GRM7: variants seen among roughly 807,000 people sequenced by gnomAD.
GRM7 encodes the protein metabotropic glutamate receptor 7.
Under a neutral mutation model 84.5 loss-of-function variants are expected in GRM7, and 35 were observed. That is an observed-to-expected ratio of 0.41 (90% CI 0.32 to 0.55). The LOEUF is 0.55. Among genes scored for constraint, GRM7 ranks in the 20% least tolerant of loss-of-function variants. The probability of loss-of-function intolerance (pLI) is 0.19; values close to 1 mark genes in which losing one functional copy is unlikely to be tolerated. For synonymous variants in GRM7, 487 were observed against 455.1 expected (o/e 1.07, Z -0.89); for missense variants, 1,003 against 1,194.6 (o/e 0.84, Z 2.36).
intron 5 of GRM7, among the ~76,000 whole-genome samples, chr3:7,431,887 A>T (rs1460954620): frequency 2.0e-5 from 3 of 152,124 alleles, no homozygotes; most frequent in African/African-American, 7.2e-5. Flanking sequence ...ATGCATTCAA[A>T]TGCTAACTAT....
intron 1 of GRM7, among the ~76,000 whole-genome samples, chr3:6,968,868 G>A (rs1000566400): frequency 1.3e-5 from 2 of 152,092 alleles, no homozygotes; most frequent in African/African-American, 2.4e-5. Flanking sequence ...CATGTGTACC[G>A]CTCTGTAGAA....
chr3:7,323,021 C>G (rs1364961643), intron 4 of GRM7, among the ~76,000 whole-genome samples: 2 of 152,070 alleles, frequency 1.3e-5, no homozygotes. Context: ...AACAAGTAAG[C>G]AAGAGTATGT....
chr3:7,575,007 A>G (rs1694891226), intron 7 of GRM7, among the ~76,000 whole-genome samples: 1 of 152,212 alleles, frequency 6.6e-6, no homozygotes, highest in Admixed American at 6.5e-5. Flanking sequence ...AAGAATGAAA[A>G]ACACTTTCCT....
chr3:7,057,777 G>C (rs146984238), intron 1 of GRM7, among the ~76,000 whole-genome samples: 1 of 151,932 alleles, frequency 6.6e-6, no homozygotes, highest in East Asian at 1.9e-4. Context: ...TGACTACCTT[G>C]GGACTTGGCA....
intron 1 of GRM7, among the ~76,000 whole-genome samples, chr3:6,878,976 T>C (rs902430683): frequency 1.3e-5 from 2 of 152,172 alleles, no homozygotes; most frequent in African/African-American, 2.4e-5. Context: ...ACCTTCAGTA[T>C]AGGATGTGTG....
At chr3:7,715,400 G>A (rs529212720) in intron 9 of GRM7, among the ~76,000 whole-genome samples, 4 of 152,256 alleles carry the variant, frequency 2.6e-5, no homozygotes, top group Admixed American at 2.0e-4. Flanking sequence ...TTGAACCCAG[G>A]AGTTCAAGGC....
intron 8 of GRM7, among the ~76,000 whole-genome samples, chr3:7,611,256 T>C (rs776685238): frequency 3.3e-5 from 5 of 152,122 alleles, no homozygotes; most frequent in Admixed American, 1.3e-4. Context: ...GCCTGGCCAA[T>C]AGTGAGTGCT....
At chr3:6,917,420 G>T (rs972190535) in intron 1 of GRM7, among the ~76,000 whole-genome samples, 10 of 150,902 alleles carry the variant, frequency 6.6e-5, no homozygotes, top group African/African-American at 2.4e-4. Flanking sequence ...AAATGATGAT[G>T]CAAATTGATT....
Position 7,247,457 on chromosome 3 carries a change from C to G in GRM7, c.737-51227C>G, listed in dbSNP as rs549821897. Among the ~76,000 whole-genome samples, 19 of 151,734 alleles carry G rather than the reference C, an allele frequency of 1.3e-4. No homozygotes were observed. In the East Asian group the frequency reaches 3.5e-3, roughly 28 times the overall value. The stretch of plus-strand genomic sequence containing the variant: ...GGCAAAATATTTAAAACAATTAGGA[C>G]TACAGGCGGCTCACACCTGTAGTCC... On this transcript the variant is annotated intron_variant, in intron 2 of 9. Transcript: ENST00000357716.
intron 1 of GRM7, among the ~76,000 whole-genome samples, chr3:7,103,816 T>TTC (rs796785372): frequency 0.039 from 3,512 of 88,970 alleles, 276 homozygotes; most frequent in Admixed American, 0.072. Context: ...CTTTCTTTCT[T>TTC]TCTCTCTCTC....
chr3:7,472,367 GTT>G (rs1466187731), intron 7 of GRM7, among the ~76,000 whole-genome samples: 11 of 152,178 alleles, frequency 7.2e-5, no homozygotes. Flanking sequence ...GGAATGTTAA[GTT>G]TTATACTTAA....
At chr3:7,326,178 A>G (rs1559237317) in intron 4 of GRM7, among the ~76,000 whole-genome samples, 1 of 148,694 alleles carries the variant, frequency 6.7e-6, no homozygotes, top group Non-Finnish European at 1.5e-5. Context: ...GGCAAAAAAA[A>G]AAGAAAAAAA....
At chr3:6,952,788 T>A (rs73126720) in intron 1 of GRM7, among the ~76,000 whole-genome samples, 14,054 of 152,254 alleles carry the variant, frequency 0.092, 681 homozygotes, top group Middle Eastern at 0.12. Flanking sequence ...TTAGCTAGAA[T>A]AGGGAATACA....
chr3:7,622,006 T>A (rs775645378), intron 8 of GRM7, among the ~76,000 whole-genome samples: 2 of 152,170 alleles, frequency 1.3e-5, no homozygotes, highest in Non-Finnish European at 2.9e-5. Context: ...TAAGTGTACG[T>A]CTACATCCAT....
chr3:6,930,831 T>G (rs1019427603), intron 1 of GRM7, among the ~76,000 whole-genome samples: 1 of 152,218 alleles, frequency 6.6e-6, no homozygotes, highest in Non-Finnish European at 1.5e-5. Flanking sequence ...ATGCGTCTTT[T>G]CCTATATTTT....
intron 1 of GRM7, among the ~76,000 whole-genome samples, chr3:7,131,076 C>CT (rs914047729): frequency 7.9e-5 from 12 of 152,168 alleles, no homozygotes; most frequent in African/African-American, 2.9e-4. Context: ...TTTATTTTCC[C>CT]TTTTCTATTC....
intron 8 of GRM7, among the ~76,000 whole-genome samples, chr3:7,672,838 G>A (rs1485235376): frequency 2.0e-5 from 3 of 151,876 alleles, no homozygotes; most frequent in Non-Finnish European, 2.9e-5. Flanking sequence ...CTCATGATCC[G>A]CCTGCCTCGG....
At chr3:7,303,950 T>C (rs1228010274) in intron 3 of GRM7, among the ~76,000 whole-genome samples, 2 of 151,488 alleles carry the variant, frequency 1.3e-5, no homozygotes, top group Non-Finnish European at 2.9e-5. Flanking sequence ...TTTTTAAGAG[T>C]AAATTAAGGG....
intron 1 of GRM7, among the ~76,000 whole-genome samples, chr3:6,890,832 T>C (rs1466415257): frequency 6.6e-6 from 1 of 152,094 alleles, no homozygotes; most frequent in African/African-American, 2.4e-5. Flanking sequence ...GACAGTGGGG[T>C]GTTAAAGTCT....
Sources: gnomAD v4.1 joint callset for allele counts (sites outside exome capture counted in the v4.1 genomes callset) on GRCh38, gnomAD v4.1.1 for gene constraint, MANE v1.5 for transcripts, NCBI Gene and HGNC (gene_info 2026-07-23, HGNC 2026-07-21) for gene names.